CTNND2: variants seen among roughly 807,000 people sequenced by gnomAD.
CTNND2 encodes the protein catenin delta 2, also known as catenin delta-2.
CTNND2 carries 22 observed loss-of-function variants against 144.4 expected under a neutral mutation model. The ratio of observed to expected loss-of-function variants is 0.15; its 90% confidence interval spans 0.11 to 0.22. The LOEUF is 0.22. CTNND2 is among the 10% of genes least tolerant of loss of function. The pLI, the probability that CTNND2 is intolerant of heterozygous loss-of-function variation, is 1.00. For missense variants in CTNND2, 1,353 were observed against 1,618.8 expected, an observed-to-expected ratio of 0.84 and a Z score of 2.82; for synonymous variants, 751 against 695.6, an observed-to-expected ratio of 1.08 and a Z score of -1.25.
At chr5:11,249,789 C>CA (rs960366295) in intron 9 of CTNND2, among the ~76,000 whole-genome samples, 106 of 133,134 alleles carry the variant, frequency 8.0e-4, no homozygotes, top group South Asian at 2.9e-3. Flanking sequence ...CAAAAACAAA[C>CA]AAAAAAAAAA....
At chr5:11,662,297 A>G (rs1244525435) in intron 2 of CTNND2, among the ~76,000 whole-genome samples, 1 of 148,546 alleles carries the variant, frequency 6.7e-6, no homozygotes, top group Non-Finnish European at 1.5e-5. Flanking sequence ...ATATAGACAG[A>G]GAGAGAGAGG....
intron 2 of CTNND2, among the ~76,000 whole-genome samples, chr5:11,597,211 C>T (rs183859739): frequency 6.6e-6 from 1 of 152,252 alleles, no homozygotes; most frequent in African/African-American, 2.4e-5. Flanking sequence ...CCTCTATTTC[C>T]GAACAGTGCC....
At chr5:11,445,569 C>T (rs148969486) in intron 3 of CTNND2, among the ~76,000 whole-genome samples, 1 of 152,138 alleles carries the variant, frequency 6.6e-6, no homozygotes. Context: ...ACCAGCTCTG[C>T]GTGCTTCTCC....
intron 3 of CTNND2, among the ~76,000 whole-genome samples, chr5:11,552,144 C>T (rs1380441942): frequency 2.0e-5 from 3 of 152,170 alleles, no homozygotes; most frequent in African/African-American, 7.2e-5. Flanking sequence ...ACAAGGATCA[C>T]TTTAAGACAT....
rs1214418158 is a variant in CTNND2 at position 10,993,228 on chromosome 5, T to C, written c.3085-551A>G. Among the ~76,000 whole-genome samples the C allele has an allele frequency of 5.3e-5, 8 of 152,326 alleles. No individual in the cohort carries two copies. In the East Asian group the frequency reaches 1.2e-3, roughly 22 times the overall value. On this transcript the variant is annotated intron_variant, in intron 18 of 21. Coordinates refer to ENST00000304623, the MANE Select transcript of CTNND2 (RefSeq NM_001332.4). ...GCTCCAGGAATGATATTTTTCAATA[T>C]AGAGCATATTCAAAATGCATCCTAC...
At chr5:11,861,529 C>T (rs1008574749) in intron 1 of CTNND2, among the ~76,000 whole-genome samples, 3 of 152,176 alleles carry the variant, frequency 2.0e-5, no homozygotes, top group East Asian at 3.8e-4. Flanking sequence ...ACCTCTCTCG[C>T]CATCTCTCCT....
At chr5:11,572,347 C>T (rs1437464818) in intron 2 of CTNND2, among the ~76,000 whole-genome samples, 1 of 152,136 alleles carries the variant, frequency 6.6e-6, no homozygotes, top group East Asian at 1.9e-4. Flanking sequence ...GGTCAACTTT[C>T]CTGCTGTGTC....
chr5:11,419,516 C>A (rs1762201645), intron 3 of CTNND2, among the ~76,000 whole-genome samples: 1 of 152,142 alleles, frequency 6.6e-6, no homozygotes, highest in African/African-American at 2.4e-5. Flanking sequence ...ATATGTGAGA[C>A]AACTGACAGT....
At chr5:11,761,132 G>T (rs1022184841) in intron 1 of CTNND2, among the ~76,000 whole-genome samples, 3 of 152,014 alleles carry the variant, frequency 2.0e-5, no homozygotes, top group South Asian at 2.1e-4. Context: ...CTTTTGTTTC[G>T]CCTGGAATCT....
intron 2 of CTNND2, among the ~76,000 whole-genome samples, chr5:11,688,064 G>T (rs1463519871): frequency 6.6e-6 from 1 of 152,294 alleles, no homozygotes; most frequent in Non-Finnish European, 1.5e-5. Context: ...GAGAAAAGTG[G>T]TGGTGGAGCA....
At chr5:11,250,912 A>G (rs1325165542) in intron 9 of CTNND2, among the ~76,000 whole-genome samples, 1 of 152,168 alleles carries the variant, frequency 6.6e-6, no homozygotes, top group African/African-American at 2.4e-5. Flanking sequence ...AGAGACACAT[A>G]GTTTTGTTCG....
intron 3 of CTNND2, among the ~76,000 whole-genome samples, chr5:11,546,826 G>A (rs1775276152): frequency 6.6e-6 from 1 of 152,066 alleles, no homozygotes; most frequent in Non-Finnish European, 1.5e-5. Context: ...ACACATATGT[G>A]AAAAATTGAC....
chr5:11,074,153 G>T (rs533416993), intron 16 of CTNND2, among the ~76,000 whole-genome samples: 1 of 152,348 alleles, frequency 6.6e-6, no homozygotes, highest in Admixed American at 6.5e-5. Context: ...GGTGCCTACA[G>T]TGCCACGTGA....
rs1553986082 is a variant in CTNND2, at chr5:11,865,915, A to AAAAAAAAAAAAAAAC, written c.37+37901_37+37902insGTTTTTTTTTTTTTT. Among the ~76,000 whole-genome samples, 44 of 149,220 alleles carry AAAAAAAAAAAAAAAC rather than the reference A, an allele frequency of 2.9e-4. 1 individual carries two copies. Among genetic ancestry groups the AAAAAAAAAAAAAAAC allele is most frequent in the East Asian group, 6.0e-4 (3 of 4,982 alleles). ...AGCTGGAAGAGACAAAAAAAAAAAAACGAGTTCTCCTCTAGAGCCTCCAGA... is the reference window on the plus strand; with the variant it reads ...AGCTGGAAGAGACAAAAAAAAAAAAAAAAAAAAAAAAAAACCGAGTTCTCCTCTAGAGCCTCCAGA... On this transcript the variant is annotated intron_variant, in intron 1 of 21. Coordinates refer to ENST00000304623, the MANE Select transcript of CTNND2 (RefSeq NM_001332.4).
chr5:11,582,853 T>C (rs1264203389), intron 2 of CTNND2, among the ~76,000 whole-genome samples: 1 of 152,142 alleles, frequency 6.6e-6, no homozygotes, highest in Non-Finnish European at 1.5e-5. Context: ...ATCATACAAT[T>C]AGAATGCGTC....
chr5:11,794,517 T>C (rs1561802869), intron 1 of CTNND2, among the ~76,000 whole-genome samples: 1 of 152,208 alleles, frequency 6.6e-6, no homozygotes, highest in African/African-American at 2.4e-5. Flanking sequence ...TTTTTCTCTT[T>C]GATTTGCTTT....
At chr5:11,850,842 G>A (rs1400511909) in intron 1 of CTNND2, among the ~76,000 whole-genome samples, 2 of 152,196 alleles carry the variant, frequency 1.3e-5, no homozygotes, top group African/African-American at 2.4e-5. Flanking sequence ...CATTTGCTGT[G>A]ATAGGAAACT....
At chr5:11,482,892 G>C (rs959672116) in intron 3 of CTNND2, among the ~76,000 whole-genome samples, 2 of 152,118 alleles carry the variant, frequency 1.3e-5, no homozygotes, top group Admixed American at 1.3e-4. Context: ...GGGGCAAGGA[G>C]TTGGTGTGAG....
intron 1 of CTNND2, among the ~76,000 whole-genome samples, chr5:11,782,570 C>G (rs1355515574): frequency 6.6e-6 from 1 of 152,164 alleles, no homozygotes; most frequent in East Asian, 1.9e-4. Flanking sequence ...CTTGTGAAGT[C>G]TCATCCTTTG....
Sources: allele counts gnomAD v4.1 joint callset (sites outside exome capture counted in the v4.1 genomes callset), GRCh38; gene constraint gnomAD v4.1.1; transcripts MANE v1.5; gene names NCBI Gene and HGNC (gene_info 2026-07-23, HGNC 2026-07-21).